Variants in BICC1 observed in about 807,000 individuals in gnomAD.
The protein encoded by BICC1 is BicC family RNA binding protein 1, also known as protein bicaudal C homolog 1.
BICC1 carries 43 observed loss-of-function variants against 111.0 expected under a neutral mutation model. The observed-to-expected ratio is 0.39, with a 90% CI of 0.30 to 0.50. The LOEUF is 0.50. Among genes scored for constraint, BICC1 ranks in the 20% least tolerant of loss-of-function variants. The pLI is 0.88. For missense variants in BICC1, 1,091 were observed against 1,203.2 expected (o/e 0.91, Z 1.38); for synonymous variants, 467 against 434.4 (o/e 1.07, Z -0.93).
At chr10:58,518,595 G>C (rs568242021) in intron 1 of BICC1, among the ~76,000 whole-genome samples, 1,741 of 137,996 alleles carry the variant, frequency 0.013, 91 homozygotes, top group African/African-American at 0.044. Context: ...TGTGTTGGGG[G>C]GGGGGGGGTG....
intron 3 of BICC1, among the ~76,000 whole-genome samples, chr10:58,752,913 G>C (rs537230166): frequency 6.6e-6 from 1 of 152,158 alleles, no homozygotes; most frequent in South Asian, 2.1e-4. Context: ...AGGTGACCAG[G>C]GACCGAGGTG....
At chr10:58,715,674 T>C in intron 3 of BICC1, 1 of 1,598,968 alleles carries the variant, frequency 6.3e-7, no homozygotes, top group South Asian at 1.1e-5. Context: ...AAGGCCTACC[T>C]GGGAAGAAGT....
intron 2 of BICC1, among the ~76,000 whole-genome samples, chr10:58,631,745 T>C (rs1837801057): frequency 6.6e-6 from 1 of 152,182 alleles, no homozygotes; most frequent in Admixed American, 6.6e-5. Context: ...ACTAATTTTA[T>C]GAAAGAAGAA....
At chr10:58,691,593 C>T (rs183428193) in intron 2 of BICC1, among the ~76,000 whole-genome samples, 1 of 152,262 alleles carries the variant, frequency 6.6e-6, no homozygotes, top group East Asian at 1.9e-4. Flanking sequence ...TAGGTGCCAA[C>T]ATTTAGAAAT....
intron 19 of BICC1, among the ~76,000 whole-genome samples, chr10:58,818,877 T>C (rs188299904): frequency 2.6e-5 from 4 of 152,226 alleles, no homozygotes; most frequent in South Asian, 2.1e-4. Context: ...AAGCAAGAGA[T>C]TGAATGTTAA....
At chr10:58,792,820 G>A (rs1260392591) in intron 8 of BICC1, among the ~76,000 whole-genome samples, 1 of 152,102 alleles carries the variant, frequency 6.6e-6, no homozygotes, top group African/African-American at 2.4e-5. Flanking sequence ...AATGTAATGT[G>A]CTTGAATCAT....
chr10:58,528,716 A>G (rs983928312), intron 1 of BICC1, among the ~76,000 whole-genome samples: 4 of 151,912 alleles, frequency 2.6e-5, no homozygotes, highest in African/African-American at 9.7e-5. Context: ...TGACTTCGCC[A>G]CCTTGGACAG....
intron 1 of BICC1, among the ~76,000 whole-genome samples, chr10:58,535,624 A>G (rs1326354810): frequency 1.3e-5 from 2 of 151,724 alleles, no homozygotes; most frequent in Non-Finnish European, 3.0e-5. Context: ...CAGGATAGAA[A>G]CCTCTGAAAA....
At chr10:58,798,916 G>A in intron 11 of BICC1, 140 bp from the exon 12 acceptor site, 1 of 635,886 alleles carries the variant, frequency 1.6e-6, no homozygotes. Flanking sequence ...ATAGTAAATA[G>A]TACCTCTGTT....
intron 2 of BICC1, among the ~76,000 whole-genome samples, chr10:58,665,938 T>C (rs1020678179): frequency 2.6e-5 from 4 of 152,178 alleles, no homozygotes; most frequent in Admixed American, 2.6e-4. Context: ...GTATAGTCGG[T>C]TTCATCTGAA....
At chr10:58,681,710 G>A (rs942675930) in intron 2 of BICC1, among the ~76,000 whole-genome samples, 12 of 152,080 alleles carry the variant, frequency 7.9e-5, no homozygotes, top group African/African-American at 1.9e-4. Flanking sequence ...GGACCCTCGC[G>A]GTGAGTGTTT....
At chr10:58,738,395 T>C (rs1362876120) in intron 3 of BICC1, among the ~76,000 whole-genome samples, 2 of 152,078 alleles carry the variant, frequency 1.3e-5, no homozygotes, top group African/African-American at 2.4e-5. Context: ...ATCAGATAGT[T>C]GTAGATATGC....
intron 1 of BICC1, among the ~76,000 whole-genome samples, chr10:58,567,319 C>G (rs948084625): frequency 1.3e-5 from 2 of 151,880 alleles, no homozygotes; most frequent in African/African-American, 4.8e-5. Flanking sequence ...CCCATAAGCT[C>G]TCAAAAATTA....
At chr10:58,669,621 G>A (rs1035268691) in intron 2 of BICC1, among the ~76,000 whole-genome samples, 1 of 152,054 alleles carries the variant, frequency 6.6e-6, no homozygotes, top group African/African-American at 2.4e-5. Flanking sequence ...AATACGTTGA[G>A]TAACATAATG....
chr10:58,811,047 G>A (rs1158668813), intron 17 of BICC1, among the ~76,000 whole-genome samples: 1 of 152,134 alleles, frequency 6.6e-6, no homozygotes, highest in Non-Finnish European at 1.5e-5. Flanking sequence ...CAGTTTTAGG[G>A]CAGCTTTGAG....
At chr10:58,715,643 A>G in intron 3 of BICC1, 1 of 1,605,536 alleles carries the variant, frequency 6.2e-7, no homozygotes, top group Non-Finnish European at 8.5e-7. Flanking sequence ...GGCCAACAAT[A>G]CAGGATTATC....
intron 3 of BICC1, among the ~76,000 whole-genome samples, chr10:58,723,322 A>AG (rs1840997206): frequency 6.6e-6 from 1 of 152,184 alleles, no homozygotes; most frequent in African/African-American, 2.4e-5. Flanking sequence ...TGGGAGAATA[A>AG]GGGGATGGAT....
intron 1 of BICC1, among the ~76,000 whole-genome samples, chr10:58,620,080 A>T (rs1442252120): frequency 6.6e-6 from 1 of 152,154 alleles, no homozygotes; most frequent in African/African-American, 2.4e-5. Flanking sequence ...ATGCAGTCTG[A>T]GTCTGTTGCA....
At chr10:58,617,518 T>A (rs568956936) in intron 1 of BICC1, among the ~76,000 whole-genome samples, 121 of 152,214 alleles carry the variant, frequency 7.9e-4, no homozygotes, top group Non-Finnish European at 1.5e-3. Flanking sequence ...TAGAGCATGG[T>A]ATACGAATGG....
Sources: gnomAD v4.1 joint callset for allele counts (sites outside exome capture counted in the v4.1 genomes callset) on GRCh38, gnomAD v4.1.1 for gene constraint, MANE v1.5 for transcripts, NCBI Gene and HGNC (gene_info 2026-07-23, HGNC 2026-07-21) for gene names.